Variants in CUBN observed in about 807,000 individuals in gnomAD.
CUBN encodes 460 kDa receptor.
Under a neutral mutation model 405.3 loss-of-function variants are expected in CUBN, and 282 were observed. The ratio of observed to expected loss-of-function variants is 0.70; its 90% CI spans 0.63 to 0.77. The LOEUF is 0.77. Among genes scored for constraint, CUBN ranks in the 30% least tolerant of loss-of-function variants. The probability of loss-of-function intolerance (pLI) is 0.00; values close to 1 mark genes in which losing one functional copy is unlikely to be tolerated. For missense variants in CUBN, 4,514 were observed against 4,475.2 expected (o/e 1.01, Z -0.25); for synonymous variants, 1,684 against 1,617.0 (o/e 1.04, Z -0.99).
intron 28 of CUBN, among the ~76,000 whole-genome samples, chr10:17,001,269 C>G (rs941241862): frequency 6.6e-6 from 1 of 152,214 alleles, no homozygotes; most frequent in Non-Finnish European, 1.5e-5. Context: ...AAGAACAAAG[C>G]TTCCACAGCG....
rs376502722 is a variant in CUBN at position 17,129,800 on chromosome 10, C to G, written c.-35G>C. ...AGGTTGGCAGGTAAGAGTGAGGCCA[C>G]TCCAACCAACTGAGCATGGGATTTT... is the stretch of plus-strand genomic sequence containing the variant. On this transcript the variant is annotated 5_prime_UTR_variant, in exon 1 of 67. Transcript: ENST00000377833. The G allele has an allele frequency of 2.6e-4, 412 of 1,611,580 alleles. No individual in the cohort carries two copies. Among genetic ancestry groups the G allele is most frequent in the Non-Finnish European group, 3.3e-4 (391 of 1,178,018 alleles).
chr10:16,914,837 G>A (rs1256612244), intron 47 of CUBN, among the ~76,000 whole-genome samples, 195 bp downstream of exon 47: 3 of 152,096 alleles, frequency 2.0e-5, no homozygotes, highest in African/African-American at 4.8e-5. Context: ...TCTCTCTCGT[G>A]ATACTAGTTA....
In CUBN at chr10:16,877,089, C is replaced by T. The variant is rs368900380; in HGVS notation, c.8914G>A (p.Ala2972Thr). ...FVSFHLEARS[A>T]VTGSCVNDGV... ...TCGTTGACACAGCTTCCCGTCACAG[C>T]GGAACGAGCTGGAAAAGGCATGGAA... is the stretch of plus-strand genomic sequence containing the variant. Residue 2972 changes from alanine to threonine, a missense_variant, in exon 57 of 67, where the codon GCT (alanine) becomes ACT (threonine). Coordinates refer to ENST00000377833, the MANE Select transcript of CUBN (RefSeq NM_001081.4). The T allele has an allele frequency of 2.0e-5, 32 of 1,612,970 alleles. No homozygotes were observed. The highest frequency in any genetic ancestry group is 8.0e-5 in the African/African-American group (6 of 74,770).
intron 11 of CUBN, 73 bp downstream of exon 11, chr10:17,105,384 A>G (rs1410698604): frequency 5.7e-6 from 5 of 883,246 alleles, no homozygotes; most frequent in Non-Finnish European, 9.8e-6. Flanking sequence ...CCTGAATCCT[A>G]TAACGTTACA....
chr10:17,097,903 C>T (rs1397586870), intron 14 of CUBN, among the ~76,000 whole-genome samples: 1 of 152,036 alleles, frequency 6.6e-6, no homozygotes, highest in Non-Finnish European at 1.5e-5. Context: ...TGACACCTCT[C>T]CCATTTAGAA....
chr10:16,984,159 C>T lies in CUBN; in HGVS notation c.4471G>A (p.Asp1491Asn), dbSNP rs763162385. 12 of 1,613,986 alleles carry T rather than the reference C, an allele frequency of 7.4e-6. No homozygotes were observed. Among genetic ancestry groups the T allele is most frequent in the East Asian group, 2.2e-5 (1 of 44,886 alleles). ...AAGCCTCTCCCATTTATGGACAAGT[C>T]GGTCTTGAATCGAATTGCTAGCTCA... is the stretch of plus-strand genomic sequence containing the variant. ...GNELAIRFKT[D>N]LSINGRGFNA... The change falls in exon 30 of 67, where the codon GAC (aspartate) becomes AAC (asparagine). Residue 1491 changes from aspartate (D) to asparagine (N), a missense_variant. Transcript: ENST00000377833.
chr10:17,050,470 T>C (rs1416627318), intron 22 of CUBN, among the ~76,000 whole-genome samples: 4 of 152,142 alleles, frequency 2.6e-5, no homozygotes, highest in Admixed American at 6.5e-5. Context: ...GCTGGAACTA[T>C]ATGGAAATTC....
chr10:16,914,126 A>T (rs190608546), intron 47 of CUBN, 134 bp from the exon 48 acceptor site: 1 of 959,254 alleles, frequency 1.0e-6, no homozygotes, highest in African/African-American at 1.6e-5. Flanking sequence ...ATTTATGTGC[A>T]TGAGGATTTT....
intron 28 of CUBN, among the ~76,000 whole-genome samples, chr10:17,001,309 G>A (rs1315097314): frequency 6.6e-6 from 1 of 152,332 alleles, no homozygotes; most frequent in South Asian, 2.1e-4. Flanking sequence ...ATTGCCACTG[G>A]TGCGCAGGAG....
intron 17 of CUBN, among the ~76,000 whole-genome samples, chr10:17,075,491 A>G (rs776261832): frequency 7.2e-5 from 11 of 152,154 alleles, no homozygotes; most frequent in Admixed American, 5.2e-4. Context: ...AAATAAACTG[A>G]CAATATGTAT....
At chr10:16,879,833 T>A (rs1221065353) in intron 56 of CUBN, among the ~76,000 whole-genome samples, 1 of 152,114 alleles carries the variant, frequency 6.6e-6, no homozygotes, top group Non-Finnish European at 1.5e-5. Context: ...TAACAACAAG[T>A]CATTAAATGC....
chr10:17,047,276 C>A, intron 23 of CUBN, 138 bp downstream of exon 23: 1 of 661,164 alleles, frequency 1.5e-6, no homozygotes, highest in Non-Finnish European at 2.5e-6. Flanking sequence ...AAATGACAAA[C>A]TTTATTTCTT....
rs186426453 is a variant in CUBN at position 16,834,992 on chromosome 10, A to G, written c.10362+22T>C. The G allele has an allele frequency of 4.2e-5, 67 of 1,603,486 alleles. 1 individual carries two copies. The East Asian group carries it at 5.6e-4, about 13-fold the overall frequency. ...ACCATCTTTTAAATAATTCATTCAA[A>G]CGATATTCAAATGCATATCACCTCC... On this transcript the variant is annotated intron_variant, in intron 64 of 66. Coordinates refer to ENST00000377833, the MANE Select transcript of CUBN (RefSeq NM_001081.4).
rs767284803 is a variant in CUBN, at chr10:17,127,900, T to A, written c.277A>T (p.Ile93Leu). Residue 93 changes from isoleucine (I) to leucine (L), a missense_variant, in exon 3 of 67, where the codon ATA becomes TTA. Around this residue, in one of 5 missense-constraint regions of CUBN, gnomAD observed 1,448 missense variants for 1,388.0 expected, o/e 1.04. Coordinates refer to ENST00000377833, the MANE Select transcript of CUBN (RefSeq NM_001081.4). Reference protein sequence around the residue: ...HQIQKNKEDIIELKGSAIGLP... With the variant: ...HQIQKNKEDILELKGSAIGLP... ...CCAATTGCACTCCCTTTTAACTCTA[T>A]AATATCTTCTTTGTTTTTCTGGATC... is the stretch of plus-strand genomic sequence containing the variant. 6.2e-7 allele frequency: 1 copy of A among 1,608,146 alleles called. No homozygotes were observed. The highest frequency in any genetic ancestry group is 1.7e-5 in the Admixed American group (1 of 59,866).
At chr10:16,887,710 A>G (rs989554270) in intron 56 of CUBN, among the ~76,000 whole-genome samples, 2 of 152,202 alleles carry the variant, frequency 1.3e-5, no homozygotes, top group Admixed American at 6.5e-5. Flanking sequence ...TGATCCACCA[A>G]GTTCATTTCT....
intron 27 of CUBN, among the ~76,000 whole-genome samples, chr10:17,033,862 G>A (rs1325723349): frequency 6.6e-6 from 1 of 152,226 alleles, no homozygotes; most frequent in Admixed American, 6.5e-5. Context: ...AATATCCCAT[G>A]AGCCCGATGT....
chr10:17,080,551 C>G (rs1307618700), intron 17 of CUBN, among the ~76,000 whole-genome samples: 1 of 152,188 alleles, frequency 6.6e-6, no homozygotes, highest in Non-Finnish European at 1.5e-5. Flanking sequence ...TCTTGTAGAG[C>G]CCCCTTTCTG....
At chr10:17,008,155 A>T (rs987511699) in intron 28 of CUBN, among the ~76,000 whole-genome samples, 1 of 152,122 alleles carries the variant, frequency 6.6e-6, no homozygotes, top group Non-Finnish European at 1.5e-5. Context: ...CGTCTCAAAA[A>T]AAAAATTACA....
intron 59 of CUBN, among the ~76,000 whole-genome samples, chr10:16,869,366 T>G (rs902114239): frequency 1.3e-5 from 2 of 152,042 alleles, no homozygotes; most frequent in South Asian, 4.2e-4. Context: ...GGTTTCACCA[T>G]GTTGGCCAGG....
Sources: allele counts gnomAD v4.1 joint callset (sites outside exome capture counted in the v4.1 genomes callset), GRCh38; gene constraint gnomAD v4.1.1; regional missense constraint gnomAD v4.1.1; transcripts MANE v1.5; gene names NCBI Gene and HGNC (gene_info 2026-07-23, HGNC 2026-07-21).